The following ZFHX3 variants were observed in gnomAD, a reference collection of about 807,000 sequenced individuals.
ZFHX3 encodes the protein zinc finger homeobox protein 3.
A neutral mutation model predicts 279.1 loss-of-function variants in ZFHX3; 42 were observed. The observed-to-expected ratio is 0.15, with a 90% confidence interval of 0.12 to 0.19. The LOEUF (loss-of-function observed/expected upper bound fraction) is 0.19. ZFHX3 is among the 10% of genes least tolerant of loss of function. The pLI is 1.00. For synonymous variants in ZFHX3, 2,293 were observed against 1,957.8 expected (o/e 1.17, Z -4.52); for missense variants, 4,981 against 4,754.0 (o/e 1.05, Z -1.40).
At position 73,529,649 on chromosome 16, in the gene ZFHX3, A is replaced by G. The variant is rs536962295; in HGVS notation, c.-1546-73391T>C. Among the ~76,000 whole-genome samples the G allele has an allele frequency of 1.1e-4, 16 of 152,340 alleles. No individual in the cohort carries two copies. The South Asian group carries it at 2.9e-3, about 28-fold the overall frequency. ...AAATATCCGTCAGAATCTAAAGAAT[A>G]ATTCCAGAAAGAGTCATACCTCTGA... On this transcript the variant is annotated intron_variant, in intron 2 of 17. Transcript: ENST00000641206.
chr16:73,615,551 C>G (rs569799357), intron 2 of ZFHX3, among the ~76,000 whole-genome samples: 1 of 152,154 alleles, frequency 6.6e-6, no homozygotes, highest in Non-Finnish European at 1.5e-5. Flanking sequence ...GCACTGAAAT[C>G]ACTTTGTTTA....
intron 2 of ZFHX3, among the ~76,000 whole-genome samples, chr16:73,513,885 G>T (rs137996362): frequency 9.8e-4 from 149 of 152,202 alleles, no homozygotes; most frequent in Non-Finnish European, 1.4e-3. Context: ...AGCTTTCCTT[G>T]CTTCTTGGCT....
chr16:73,368,236 A>G (rs1241654733), intron 3 of ZFHX3, among the ~76,000 whole-genome samples: 1 of 152,216 alleles, frequency 6.6e-6, no homozygotes, highest in Non-Finnish European at 1.5e-5. Context: ...TAAATGAATT[A>G]ATGAAGTATG....
chr16:72,829,991 C>G, intron 4 of ZFHX3, 132 bp from the exon 5 acceptor site: 2 of 881,420 alleles, frequency 2.3e-6, no homozygotes, highest in Non-Finnish European at 3.5e-6. Flanking sequence ...TCCAGAGGCC[C>G]CTGGGAGACT....
At chr16:73,081,835 CT>C (rs369769502) in intron 8 of ZFHX3, among the ~76,000 whole-genome samples, 7,188 of 132,898 alleles carry the variant, frequency 0.054, 141 homozygotes, top group African/African-American at 0.11. Context: ...TTGTCCACAT[CT>C]TTTTTTTTTT....
At chr16:73,797,352 C>T (rs1408570206) in intron 1 of ZFHX3, among the ~76,000 whole-genome samples, 3 of 152,198 alleles carry the variant, frequency 2.0e-5, no homozygotes, top group Non-Finnish European at 1.5e-5. Context: ...ACATTTGCAG[C>T]AGTTTCCTGA....
intron 3 of ZFHX3, among the ~76,000 whole-genome samples, chr16:73,348,388 T>G (rs562444417): frequency 1.1e-4 from 16 of 152,234 alleles, no homozygotes; most frequent in Admixed American, 7.2e-4. Context: ...ACCTTTGGGG[T>G]GGGTCATTTG....
At chr16:73,194,715 T>G (rs1749120411) in intron 5 of ZFHX3, among the ~76,000 whole-genome samples, 1 of 152,358 alleles carries the variant, frequency 6.6e-6, no homozygotes, top group South Asian at 2.1e-4. Flanking sequence ...GCAATTTTTG[T>G]CCACACCCAA....
At chr16:73,768,826 G>T (rs899183414) in intron 1 of ZFHX3, among the ~76,000 whole-genome samples, 16 of 152,112 alleles carry the variant, frequency 1.1e-4, no homozygotes, top group Non-Finnish European at 2.9e-5. Flanking sequence ...CTACAGCATT[G>T]CACTGAGAGA....
chr16:73,637,430 A>G (rs1190888332), intron 2 of ZFHX3, among the ~76,000 whole-genome samples: 2 of 151,662 alleles, frequency 1.3e-5, no homozygotes, highest in African/African-American at 4.8e-5. Context: ...ACGGGGTTTC[A>G]CTATGTTTGT....
chr16:73,182,889 CGGGAGGG>C (rs1640370149), intron 5 of ZFHX3, among the ~76,000 whole-genome samples: 1 of 7,674 alleles, frequency 1.3e-4, no homozygotes, highest in Non-Finnish European at 2.7e-4. Flanking sequence ...CTGCAAAAGG[CGGGAGGG>C]GGGAGGGGTG....
intron 1 of ZFHX3, chr16:73,015,865 G>T (rs185508459): frequency 6.6e-6 from 1 of 152,224 alleles, no homozygotes; most frequent in Non-Finnish European, 1.5e-5. Flanking sequence ...GCTGGCTGCC[G>T]GCTGCCCCAA....
At chr16:73,180,944 T>C (rs1967777082) in intron 5 of ZFHX3, among the ~76,000 whole-genome samples, 1 of 152,186 alleles carries the variant, frequency 6.6e-6, no homozygotes, top group Non-Finnish European at 1.5e-5. Flanking sequence ...ATTACAGGCG[T>C]GAGCCACCGC....
At chr16:73,514,940 C>A (rs1429364774) in intron 2 of ZFHX3, among the ~76,000 whole-genome samples, 1 of 152,204 alleles carries the variant, frequency 6.6e-6, no homozygotes, top group African/African-American at 2.4e-5. Context: ...CGGTGATAAA[C>A]AACTGAGCTG....
chr16:73,405,124 T>G (rs1290344330), intron 3 of ZFHX3, among the ~76,000 whole-genome samples: 3 of 152,154 alleles, frequency 2.0e-5, no homozygotes, highest in African/African-American at 7.2e-5. Flanking sequence ...CTTTTAATCC[T>G]CATCATTACA....
At chr16:73,460,890 G>A (rs1288459309) in intron 2 of ZFHX3, among the ~76,000 whole-genome samples, 2 of 152,184 alleles carry the variant, frequency 1.3e-5, no homozygotes, top group Non-Finnish European at 2.9e-5. Flanking sequence ...CTTCCAACGT[G>A]ATTGTAAGTT....
At chr16:72,983,478 G>A (rs771389430) in intron 1 of ZFHX3, among the ~76,000 whole-genome samples, 6 of 152,168 alleles carry the variant, frequency 3.9e-5, no homozygotes, top group African/African-American at 7.2e-5. Flanking sequence ...AGGCCGAGGC[G>A]GGAGGATCAC....
chr16:73,664,363 A>T (rs1275355744), intron 2 of ZFHX3, among the ~76,000 whole-genome samples: 1 of 152,240 alleles, frequency 6.6e-6, no homozygotes, highest in East Asian at 1.9e-4. Context: ...TATCTAATAC[A>T]AAAATCGAAG....
chr16:72,855,739 C>A (rs575768469), intron 4 of ZFHX3, among the ~76,000 whole-genome samples: 125 of 152,306 alleles, frequency 8.2e-4, no homozygotes, highest in African/African-American at 2.9e-3. Context: ...AGGGGTCCTT[C>A]TCTGGCTTTC....
Sources: gnomAD v4.1 joint callset for allele counts (sites outside exome capture counted in the v4.1 genomes callset) on GRCh38, gnomAD v4.1.1 for gene constraint, MANE v1.5 for transcripts, NCBI Gene and HGNC (gene_info 2026-07-23, HGNC 2026-07-21) for gene names.